The following TRMT11 variants were observed in gnomAD, a reference collection of about 807,000 sequenced individuals.
The protein encoded by TRMT11 is tRNA methyltransferase 11, also known as tRNA (guanine(10)-N(2))-methyltransferase TRMT11.
In TRMT11, 53 loss-of-function variants were observed where a neutral mutation model predicts 62.8. The ratio of observed to expected loss-of-function variants is 0.84; its 90% confidence interval spans 0.68 to 1.06. The LOEUF (loss-of-function observed/expected upper bound fraction) is 1.06, where lower values mean the gene tolerates loss of function less well. Among genes scored for constraint, TRMT11 ranks in the 50% least tolerant of loss-of-function variants. The pLI is 0.00. For synonymous variants in TRMT11, 188 were observed against 190.3 expected, an observed-to-expected ratio of 0.99 and a Z score of 0.10; for missense variants, 556 against 553.4, an observed-to-expected ratio of 1.00 and a Z score of -0.05.
At chr6:125,995,060 C>A (rs1791262864) in intron 2 of TRMT11, among the ~76,000 whole-genome samples, 1 of 152,096 alleles carries the variant, frequency 6.6e-6, no homozygotes, top group Non-Finnish European at 1.5e-5. Context: ...ATGGGTTGAT[C>A]TGAGCAGCAA....
chr6:126,156,410 G>A (rs1222378134), intron 21 of TRMT11, among the ~76,000 whole-genome samples: 1 of 152,160 alleles, frequency 6.6e-6, no homozygotes, highest in East Asian at 1.9e-4. Flanking sequence ...TCAGCTCCCA[G>A]GCTTTCCTAT....
intron 17 of TRMT11, among the ~76,000 whole-genome samples, chr6:126,085,721 T>A (rs1777210395): frequency 6.6e-6 from 1 of 152,182 alleles, no homozygotes; most frequent in Admixed American, 6.5e-5. Context: ...AATGGATGAT[T>A]GAGGGAAGTA....
Position 126,064,841 on chromosome 6 carries a change from T to C in TRMT11, c.*1437+11651T>C, listed in dbSNP as rs551612342. Among the ~76,000 whole-genome samples, 23 of 152,372 alleles carry C rather than the reference T, an allele frequency of 1.5e-4. No homozygotes were observed. The South Asian group carries it at 4.3e-3, about 29-fold the overall frequency. On this transcript the variant is annotated intron_variant and NMD_transcript_variant, in intron 17 of 22. Coordinates refer to the TRMT11 transcript ENST00000648977. ...ACCCAGAGGTGGTTTTTGTTTTATG[T>C]TCCACATCTTAATCATTTGTTTAGC...
intron 21 of TRMT11, among the ~76,000 whole-genome samples, chr6:126,150,734 A>G (rs948209177): frequency 6.6e-6 from 1 of 152,170 alleles, no homozygotes; most frequent in Non-Finnish European, 1.5e-5. Flanking sequence ...GCGGCCATTA[A>G]AAATACATTG....
chr6:126,224,198 T>C, the TRMT11 span, among the ~76,000 whole-genome samples: 1 of 152,248 alleles, frequency 6.6e-6, no homozygotes. Flanking sequence ...AGTGCAGTCG[T>C]TGGAAGGTAA....
intron 17 of TRMT11, among the ~76,000 whole-genome samples, chr6:126,053,898 CAG>C (rs1310917890): frequency 4.6e-5 from 7 of 152,080 alleles, no homozygotes; most frequent in African/African-American, 9.7e-5. Flanking sequence ...GTGATCATGT[CAG>C]GGGGTGAGGG....
chr6:126,034,931 A>G (rs563912524), intron 12 of TRMT11, among the ~76,000 whole-genome samples: 92 of 152,250 alleles, frequency 6.0e-4, no homozygotes, highest in African/African-American at 2.1e-3. Context: ...GAATGTGAAT[A>G]GAGAAGAGTC....
At chr6:126,156,365 C>T (rs2128225791) in intron 21 of TRMT11, among the ~76,000 whole-genome samples, 1 of 152,314 alleles carries the variant, frequency 6.6e-6, no homozygotes, top group Admixed American at 6.5e-5. Flanking sequence ...TAGAGTTTCT[C>T]TGTGGGGGCA....
At chr6:126,151,653 T>C (rs1778040045) in intron 21 of TRMT11, among the ~76,000 whole-genome samples, 1 of 152,062 alleles carries the variant, frequency 6.6e-6, no homozygotes, top group Non-Finnish European at 1.5e-5. Context: ...CCATCACCAA[T>C]TTCTTGACAA....
intron 1 of TRMT11, among the ~76,000 whole-genome samples, chr6:126,197,014 T>C (rs1778674853): frequency 6.6e-6 from 1 of 152,190 alleles, no homozygotes; most frequent in East Asian, 1.9e-4. Context: ...AATTTTGAAG[T>C]TCACTGTGTA....
chr6:126,143,100 T>G (rs1777937215), intron 21 of TRMT11, among the ~76,000 whole-genome samples: 2 of 152,122 alleles, frequency 1.3e-5, no homozygotes, highest in South Asian at 4.1e-4. Context: ...AAGTTCTTAA[T>G]ATTTTAACAC....
intron 21 of TRMT11, among the ~76,000 whole-genome samples, chr6:126,165,077 G>C (rs900841417): frequency 3.3e-5 from 5 of 152,100 alleles, no homozygotes; most frequent in Non-Finnish European, 5.9e-5. Flanking sequence ...AGGAGTTCAA[G>C]ACCAGTCTGG....
At chr6:126,242,085 G>C in the TRMT11 span, among the ~76,000 whole-genome samples, 2 of 147,926 alleles carry the variant, frequency 1.4e-5, no homozygotes, top group African/African-American at 5.4e-5. Flanking sequence ...CTTCAGCAAA[G>C]TCTCAGGATA....
rs995302935 is a variant in TRMT11 at position 126,111,684 on chromosome 6, A to C, written c.*1438-1182A>C. 3.3e-5 allele frequency among the ~76,000 whole-genome samples: 5 copies of C among 152,078 alleles called. No homozygotes were observed. The East Asian group carries it at 9.7e-4, about 29-fold the overall frequency. On this transcript the variant is annotated intron_variant and NMD_transcript_variant, in intron 17 of 22. Coordinates refer to the TRMT11 transcript ENST00000648977. The stretch of plus-strand genomic sequence containing the variant: ...CATGTACCATCTGGGTTTGAAGGGC[A>C]CATCATTCCAAGGCGGAATGGAGTG...
chr6:126,110,342 T>C (rs1213959141), intron 17 of TRMT11, among the ~76,000 whole-genome samples: 1 of 152,144 alleles, frequency 6.6e-6, no homozygotes, highest in Admixed American at 6.6e-5. Context: ...CTGAGAAATA[T>C]GGTCTCTTTT....
At chr6:126,185,385 C>A (rs1372545749) in intron 1 of TRMT11, among the ~76,000 whole-genome samples, 1 of 152,132 alleles carries the variant, frequency 6.6e-6, no homozygotes, top group Non-Finnish European at 1.5e-5. Flanking sequence ...GAGCAATGAC[C>A]TGGTTAGGAG....
chr6:126,257,846 G>T, the TRMT11 span: 1 of 1,095,208 alleles, frequency 9.1e-7, no homozygotes, highest in Non-Finnish European at 1.4e-6. Context: ...CACAGGGTCC[G>T]CTGGTATTGC....
At chr6:126,253,792 G>A in the TRMT11 span, among the ~76,000 whole-genome samples, 1 of 152,208 alleles carries the variant, frequency 6.6e-6, no homozygotes, top group Admixed American at 6.5e-5. Flanking sequence ...CTACAAGCCT[G>A]TGAACTCTCT....
At chr6:126,006,606 T>G (rs1042241305) in intron 7 of TRMT11, among the ~76,000 whole-genome samples, 2 of 151,632 alleles carry the variant, frequency 1.3e-5, no homozygotes, top group African/African-American at 4.8e-5. Context: ...TCCTTTTTTT[T>G]TTAGCACCCC....
Sources: allele counts gnomAD v4.1 joint callset (sites outside exome capture counted in the v4.1 genomes callset), GRCh38; gene constraint gnomAD v4.1.1; transcripts MANE v1.5; gene names NCBI Gene and HGNC (gene_info 2026-07-23, HGNC 2026-07-21).